Variants in TNFSF12 observed in about 807,000 individuals in gnomAD.
TNFSF12 encodes the protein TNF superfamily member 12, also known as tumor necrosis factor ligand superfamily member 12.
Under a neutral mutation model 31.2 loss-of-function variants are expected in TNFSF12, and 16 were observed. The ratio of observed to expected loss-of-function variants is 0.51; its 90% confidence interval spans 0.35 to 0.78. TNFSF12 has a LOEUF of 0.78. Ranked by LOEUF, TNFSF12 falls within the 30% of genes least tolerant of loss-of-function variation. The probability of loss-of-function intolerance (pLI) is 0.01; values close to 1 mark genes in which losing one functional copy is unlikely to be tolerated. For synonymous variants in TNFSF12, 150 were observed against 151.4 expected, an observed-to-expected ratio of 0.99 and a Z score of 0.07; for missense variants, 324 against 338.8, an observed-to-expected ratio of 0.96 and a Z score of 0.34.
intron 5 of TNFSF12, among the ~76,000 whole-genome samples, chr17:7,554,164 A>G (rs1235762746): frequency 2.0e-5 from 3 of 152,188 alleles, no homozygotes; most frequent in African/African-American, 7.2e-5. Context: ...CTTCATGCCC[A>G]GATCAGCCTT....
rs1052059644 is a variant in TNFSF12 at position 7,557,234 on chromosome 17, G to T, written c.634G>T (p.Val212Leu). The change falls in exon 7 of 7, where the codon GTG (valine) becomes TTG (leucine). Residue 212 changes from valine to leucine, a missense_variant. Coordinates refer to ENST00000293825, the MANE Select transcript of TNFSF12 (RefSeq NM_003809.3). This position sits in a 1 kb window ranked among gnomAD's most constrained non-coding sequence, Gnocchi z 5.2. ...CGGGCCCCAGCTCCGCCTCTGCCAG[G>T]TGTCTGGGCTGTTGGCCCTGCGGCC... ...SLGPQLRLCQ[V>L]SGLLALRPGS... The T allele has an allele frequency of 6.2e-7, 1 of 1,612,304 alleles. No homozygotes were observed. The highest frequency in any genetic ancestry group is 8.5e-7 in the Non-Finnish European group (1 of 1,178,732).
At chr17:7,551,031 A>G in intron 5 of TNFSF12, 53 bp downstream of exon 5, 1 of 1,611,108 alleles carries the variant, frequency 6.2e-7, no homozygotes, top group South Asian at 1.1e-5. Flanking sequence ...AGGGCCCTTG[A>G]AAACCTTTGA....
At position 7,557,604 on chromosome 17, in the gene TNFSF12, G is replaced by A; in HGVS notation, c.*254G>A. 1 of 513,564 alleles carries A rather than the reference G, an allele frequency of 1.9e-6. No homozygotes were observed. The highest frequency in any genetic ancestry group is 3.4e-6 in the Non-Finnish European group (1 of 295,634). 31.8% of individuals were successfully genotyped at this position (513,564 alleles called of 1,614,324 possible). On this transcript the variant is annotated 3_prime_UTR_variant, in exon 7 of 7. Transcript: ENST00000293825. This position sits in a 1 kb window ranked among gnomAD's most constrained non-coding sequence, Gnocchi z 5.2. ...AATCCCTGACCCTTTGAGGCCCCCA[G>A]TGATCTCGACTCCCCCCTGGCCACA...
rs1166615853 is a variant in TNFSF12, at chr17:7,557,079, G to A, written c.499-20G>A. On this transcript the variant is annotated intron_variant, in intron 6 of 6. Coordinates refer to ENST00000293825, the MANE Select transcript of TNFSF12 (RefSeq NM_003809.3). The surrounding 1 kb of genome is among the most constrained non-coding windows in gnomAD (Gnocchi z 5.2). ...GAGGGCAGGCAGAGGCCTGGACTCG[G>A]CCTGTTGTCCCCACCCCAGGTGCAC... The A allele has an allele frequency of 1.2e-6, 2 of 1,600,664 alleles. No individual in the cohort carries two copies.
In TNFSF12 at chr17:7,549,189, C is replaced by A; in HGVS notation, c.36C>A (p.Arg12=). The A allele has an allele frequency of 7.7e-7, 1 of 1,305,594 alleles. No homozygotes were observed. The highest frequency in any genetic ancestry group is 9.7e-7 in the Non-Finnish European group (1 of 1,031,092). The allele number at this position is 1,305,594 out of a possible 1,614,324, so 80.9% of individuals were successfully genotyped here. A position where few individuals can be genotyped will look rare whatever the true frequency, so the allele number is the denominator to read the frequency against. The change falls in exon 1 of 7, where the codon CGC becomes CGA. Residue 12 remains arginine, a synonymous_variant. Transcript: ENST00000293825. The surrounding 1 kb of genome is among the most constrained non-coding windows in gnomAD (Gnocchi z 4.1). ...AARRSQRRRG[R]RGEPGTALLV... is the part of the protein sequence containing the mutation. ...GTCGGAGCCAGAGGCGGAGGGGGCG[C>A]CGGGGGGAGCCGGGCACCGCCCTGC...
chr17:7,551,522 AT>A (rs1246429421), intron 5 of TNFSF12, among the ~76,000 whole-genome samples: 1 of 151,752 alleles, frequency 6.6e-6, no homozygotes, highest in Non-Finnish European at 1.5e-5. Context: ...TCTCAACCTA[AT>A]TTCCCTGCAC....
At chr17:7,552,929 A>G (rs2071016491) in intron 5 of TNFSF12, among the ~76,000 whole-genome samples, 1 of 151,314 alleles carries the variant, frequency 6.6e-6, no homozygotes, top group Non-Finnish European at 1.5e-5. Context: ...CTGACCTTAA[A>G]GAGGGTGGTT....
Position 7,550,124 on chromosome 17 carries a change from T to G in TNFSF12, c.212T>G (p.Leu71Arg). The G allele has an allele frequency of 1.2e-6, 2 of 1,614,064 alleles. No homozygotes were observed. The highest frequency in any genetic ancestry group is 3.3e-4 in the Middle Eastern group (2 of 6,062). The part of the protein sequence containing the change: ...VAEEDQDPSE[L>R]NPQTEESQDP... ...ACCCTGCCCTAATTCCCCTAGGAAC[T>G]GAATCCCCAGACAGAAGAAAGCCAG... The change falls in exon 3 of 7, where the codon CTG (leucine) becomes CGG (arginine). Residue 71 changes from leucine (L) to arginine (R), a missense_variant. Coordinates refer to ENST00000293825, the MANE Select transcript of TNFSF12 (RefSeq NM_003809.3). The surrounding 1 kb of genome is among the most constrained non-coding windows in gnomAD (Gnocchi z 4.4).
intron 5 of TNFSF12, among the ~76,000 whole-genome samples, chr17:7,554,307 C>CTT (rs67090485): frequency 0.017 from 1,230 of 73,032 alleles, 4 homozygotes; most frequent in African/African-American, 0.022. Context: ...TATCCAGACT[C>CTT]TTTTTTTTTT....
chr17:7,555,581 G>C (rs2071052034), intron 5 of TNFSF12, among the ~76,000 whole-genome samples: 1 of 152,212 alleles, frequency 6.6e-6, no homozygotes, highest in Admixed American at 6.5e-5. Flanking sequence ...CTGTGGCTTT[G>C]TGTAGGGAAT....
chr17:7,550,717 G>C lies in TNFSF12; in HGVS notation c.284-82G>C. The C allele has an allele frequency of 6.4e-7, 1 of 1,556,150 alleles. No homozygotes were observed. Among genetic ancestry groups the C allele is most frequent in the African/African-American group, 1.4e-5 (1 of 73,642 alleles). On this transcript the variant is annotated intron_variant, in intron 3 of 6. Coordinates refer to ENST00000293825, the MANE Select transcript of TNFSF12 (RefSeq NM_003809.3). The surrounding 1 kb of genome is among the most constrained non-coding windows in gnomAD (Gnocchi z 4.4). Reference sequence around the variant, plus strand: ...CAAGAATAAGGATGCCAGGGTTCCTGAGAGGGGAATGGGGCTGGGAGAGTT... The same window carrying C: ...CAAGAATAAGGATGCCAGGGTTCCTCAGAGGGGAATGGGGCTGGGAGAGTT...
At chr17:7,552,816 C>G (rs2150906103) in intron 5 of TNFSF12, among the ~76,000 whole-genome samples, 1 of 152,224 alleles carries the variant, frequency 6.6e-6, no homozygotes, top group Admixed American at 6.5e-5. Context: ...GGAGAAACCA[C>G]TGTTTCAAGG....
chr17:7,557,652 C>T lies in TNFSF12; in HGVS notation c.*302C>T, dbSNP rs1240349372. The T allele has an allele frequency of 3.2e-5, 11 of 346,958 alleles. No homozygotes were observed. Among genetic ancestry groups the T allele is most frequent in the Non-Finnish European group, 5.8e-5 (11 of 188,054 alleles). 21.5% of individuals were successfully genotyped at this position (346,958 alleles called of 1,614,324 possible). On this transcript the variant is annotated 3_prime_UTR_variant, in exon 7 of 7. Coordinates refer to ENST00000293825, the MANE Select transcript of TNFSF12 (RefSeq NM_003809.3). This position sits in a 1 kb window ranked among gnomAD's most constrained non-coding sequence, Gnocchi z 5.2. ...ACAGACCCCCAGGGCATTGTGTTCA[C>T]TGTACTCTGTGGGCAAGGATGGGTC...
chr17:7,549,564 G>A lies in TNFSF12; in HGVS notation c.207+43G>A. 6.6e-7 allele frequency: 1 copy of A among 1,511,622 alleles called. No homozygotes were observed. Among genetic ancestry groups the A allele is most frequent in the Non-Finnish European group, 8.9e-7 (1 of 1,125,832 alleles). The allele number at this position is 1,511,622 out of a possible 1,614,324, so 93.6% of individuals were successfully genotyped here. A position where few individuals can be genotyped will look rare whatever the true frequency, so the allele number is the denominator to read the frequency against. ...CGGTCTGCAGGCTGCTGGGGCATGGGAAGTGTGCACAGCCGAGGCTGCAGG... is the reference window on the plus strand; with the variant it reads ...CGGTCTGCAGGCTGCTGGGGCATGGAAAGTGTGCACAGCCGAGGCTGCAGG... On this transcript the variant is annotated intron_variant, in intron 2 of 6. Coordinates refer to ENST00000293825, the MANE Select transcript of TNFSF12 (RefSeq NM_003809.3). The surrounding 1 kb of genome is among the most constrained non-coding windows in gnomAD (Gnocchi z 4.1).
chr17:7,549,234 C>T lies in TNFSF12; in HGVS notation c.81C>T (p.Gly27=), dbSNP rs753417982. The T allele has an allele frequency of 1.5e-5, 21 of 1,384,624 alleles. No homozygotes were observed. The highest frequency in any genetic ancestry group is 2.0e-5 in the Non-Finnish European group (21 of 1,073,740). The allele number at this position is 1,384,624 out of a possible 1,614,324, so 85.8% of individuals were successfully genotyped here. The change falls in exon 1 of 7, where the codon GGC becomes GGT. Residue 27 remains glycine, a synonymous_variant. Coordinates refer to ENST00000293825, the MANE Select transcript of TNFSF12 (RefSeq NM_003809.3). The surrounding 1 kb of genome is among the most constrained non-coding windows in gnomAD (Gnocchi z 4.1). The part of the protein sequence containing the change: ...GTALLVPLAL[G]LGLALACLGL... ...CCCTGCTGGTCCCGCTCGCGCTGGG[C>T]CTGGGCCTGGCGCTGGCCTGCCTCG...
At chr17:7,556,317 G>A (rs868394093) in intron 5 of TNFSF12, among the ~76,000 whole-genome samples, 11 of 152,278 alleles carry the variant, frequency 7.2e-5, no homozygotes, top group South Asian at 4.1e-4. Context: ...GTGCCATAGT[G>A]TGTATCAGTA....
chr17:7,553,830 G>T, intron 5 of TNFSF12: 1 of 1,117,788 alleles, frequency 8.9e-7, no homozygotes, highest in South Asian at 2.1e-5. Flanking sequence ...GACCAGGTGG[G>T]TTTGTAGATT....
chr17:7,553,631 T>C (rs1488175676), intron 5 of TNFSF12: 1 of 1,304,048 alleles, frequency 7.7e-7, no homozygotes, highest in Non-Finnish European at 1.0e-6. Context: ...TACTAAGTGG[T>C]GGAGCCAAGA....
chr17:7,556,485 A>G (rs1225545760), intron 5 of TNFSF12, among the ~76,000 whole-genome samples: 1 of 152,238 alleles, frequency 6.6e-6, no homozygotes, highest in Admixed American at 6.5e-5. Context: ...GATATCCATG[A>G]AGTAAAACAT....
Sources: gnomAD v4.1 joint callset for allele counts (sites outside exome capture counted in the v4.1 genomes callset) on GRCh38, gnomAD v4.1.1 for gene constraint, Gnocchi (gnomAD v3.1) non-coding constraint, MANE v1.5 for transcripts, NCBI Gene and HGNC (gene_info 2026-07-23, HGNC 2026-07-21) for gene names.